ATP13A4: variants seen among roughly 807,000 people sequenced by gnomAD.
The protein encoded by ATP13A4 is ATPase 13A4.
In ATP13A4, 114 loss-of-function variants were observed where a neutral mutation model predicts 142.5. That is an observed-to-expected ratio of 0.80 (90% CI 0.69 to 0.93). ATP13A4 has a LOEUF of 0.93. Ranked by LOEUF, ATP13A4 falls within the 40% of genes least tolerant of loss-of-function variation. The probability of loss-of-function intolerance (pLI) is 0.00; values close to 1 mark genes in which losing one functional copy is unlikely to be tolerated. For missense variants in ATP13A4, 1,392 were observed against 1,454.0 expected (o/e 0.96, Z 0.69); for synonymous variants, 488 against 514.8 (o/e 0.95, Z 0.70).
At chr3:193,425,714 A>T (rs915906974) in intron 25 of ATP13A4, among the ~76,000 whole-genome samples, 1 of 151,750 alleles carries the variant, frequency 6.6e-6, no homozygotes, top group Non-Finnish European at 1.5e-5. Flanking sequence ...GAAAGAATAG[A>T]GATAGAGAGG....
chr3:193,536,151 C>T (rs1722581317), intron 1 of ATP13A4, among the ~76,000 whole-genome samples: 1 of 151,872 alleles, frequency 6.6e-6, no homozygotes, highest in Non-Finnish European at 1.5e-5. Context: ...GCTAGCATTA[C>T]CCTGATAATA....
At chr3:193,523,878 G>C (rs1479741129) in intron 1 of ATP13A4, among the ~76,000 whole-genome samples, 1 of 152,102 alleles carries the variant, frequency 6.6e-6, no homozygotes, top group Non-Finnish European at 1.5e-5. Flanking sequence ...CCCTCTCAGA[G>C]GGGTGAGTTC....
intron 7 of ATP13A4, among the ~76,000 whole-genome samples, chr3:193,484,245 C>G (rs1215796802): frequency 6.6e-6 from 1 of 151,848 alleles, no homozygotes; most frequent in East Asian, 1.9e-4. Flanking sequence ...CCAGCATGCT[C>G]TTTCCACTCA....
intron 2 of ATP13A4, among the ~76,000 whole-genome samples, chr3:193,568,948 T>G (rs891245607): frequency 1.3e-5 from 2 of 152,222 alleles, no homozygotes; most frequent in Non-Finnish European, 2.9e-5. Context: ...CGAGAAGAGA[T>G]AAATCTCTCA....
At position 193,488,530 on chromosome 3, in the gene ATP13A4, A is replaced by G. The variant is rs568395065; in HGVS notation, c.738+1200T>C. On this transcript the variant is annotated intron_variant, in intron 7 of 29. Coordinates refer to ENST00000342695, the MANE Select transcript of ATP13A4 (RefSeq NM_032279.4). Reference sequence around the variant, plus strand: ...ATTGCCCTTTCTGTTAAGGAAAAAAACAGCTAATTTTAAAAGAACTTTTTA... The same window carrying G: ...ATTGCCCTTTCTGTTAAGGAAAAAAGCAGCTAATTTTAAAAGAACTTTTTA... Among the ~76,000 whole-genome samples, 338 of 152,276 alleles carry G rather than the reference A, an allele frequency of 2.2e-3. 2 individuals carry two copies. The highest frequency in any genetic ancestry group is 5.0e-3 in the South Asian group (24 of 4,832).
At chr3:193,435,513 A>T in intron 24 of ATP13A4, 135 bp downstream of exon 24, 1 of 793,198 alleles carries the variant, frequency 1.3e-6, no homozygotes, top group Non-Finnish European at 2.2e-6. Context: ...ACAAATTCTT[A>T]AGGATATTTT....
intron 2 of ATP13A4, among the ~76,000 whole-genome samples, chr3:193,514,201 C>A (rs1227021994): frequency 6.6e-6 from 1 of 152,080 alleles, no homozygotes; most frequent in Non-Finnish European, 1.5e-5. Flanking sequence ...AAGCTTAGTA[C>A]CCATTAATTG....
intron 2 of ATP13A4, among the ~76,000 whole-genome samples, chr3:193,562,393 T>C (rs1035266284): frequency 3.9e-5 from 6 of 152,258 alleles, no homozygotes; most frequent in Admixed American, 2.6e-4. Flanking sequence ...AAATGCACTA[T>C]ATTATTAAAT....
intron 1 of ATP13A4, among the ~76,000 whole-genome samples, chr3:193,520,490 A>G (rs187332506): frequency 6.6e-6 from 1 of 152,286 alleles, no homozygotes; most frequent in African/African-American, 2.4e-5. Context: ...GCCTGTCTCC[A>G]AGAGTTGAAA....
At chr3:193,472,690 G>T (rs1298675767) in intron 8 of ATP13A4, among the ~76,000 whole-genome samples, 1 of 152,132 alleles carries the variant, frequency 6.6e-6, no homozygotes, top group Non-Finnish European at 1.5e-5. Flanking sequence ...TTAAATGTGT[G>T]GGTGGAAGAC....
rs1716468760 is a variant in ATP13A4 at position 193,439,041 on chromosome 3, A to G, written c.2544T>C (p.Asp848=). The G allele has an allele frequency of 1.9e-6, 3 of 1,609,896 alleles. No homozygotes were observed. The highest frequency in any genetic ancestry group is 2.6e-6 in the Non-Finnish European group (3 of 1,176,110). The part of the protein sequence containing the change: ...KLDYFVGMCG[D]GANDCGALKM... ...TACTTACCCCACAGTCATTGGCTCC[A>G]TCACCACACATACCTACAAAGTAAC... Residue 848 remains aspartate, a synonymous_variant, in exon 22 of 30, where the codon GAT becomes GAC. Transcript: ENST00000342695.
chr3:193,516,798 G>A (rs1481997453), intron 1 of ATP13A4, among the ~76,000 whole-genome samples: 5 of 144,436 alleles, frequency 3.5e-5, no homozygotes, highest in East Asian at 3.9e-4. Flanking sequence ...TTTGGGCTAC[G>A]CAGTGAGGGC....
At position 193,464,955 on chromosome 3, in the gene ATP13A4, A is replaced by C; in HGVS notation, c.1446T>G (p.Leu482=). The C allele has an allele frequency of 6.2e-7, 1 of 1,614,076 alleles. No homozygotes were observed. The highest frequency in any genetic ancestry group is 8.5e-7 in the Non-Finnish European group (1 of 1,179,974). ...QRINVCGQLN[L]VCFDKTGTLT... is the part of the protein sequence containing the mutation. ...ACACACATACCTTGTCAAAGCAGAC[A>C]AGGTTTAACTGTCCACATACGTTGA... The change falls in exon 12 of 30, where the codon CTT becomes CTG. Residue 482 remains leucine, a synonymous_variant. Coordinates refer to ENST00000342695, the MANE Select transcript of ATP13A4 (RefSeq NM_032279.4).
chr3:193,581,040 T>G (rs982641308), intron 2 of ATP13A4, among the ~76,000 whole-genome samples: 1 of 152,220 alleles, frequency 6.6e-6, no homozygotes, highest in Admixed American at 6.5e-5. Flanking sequence ...AACAAAGAAG[T>G]TGCTCACATC....
intron 2 of ATP13A4, among the ~76,000 whole-genome samples, chr3:193,572,748 A>G (rs1031326769): frequency 1.3e-5 from 2 of 152,038 alleles, no homozygotes; most frequent in Non-Finnish European, 2.9e-5. Context: ...GTCCCTGAAG[A>G]CGTTAGTACA....
intron 25 of ATP13A4, among the ~76,000 whole-genome samples, chr3:193,421,045 G>A (rs1275464124): frequency 2.0e-5 from 3 of 149,578 alleles, no homozygotes; most frequent in Non-Finnish European, 3.0e-5. Context: ...CAAGAAATAC[G>A]AAAATCCAGA....
chr3:193,502,387 C>T, intron 3 of ATP13A4, 106 bp downstream of exon 3: 1 of 1,328,892 alleles, frequency 7.5e-7, no homozygotes, highest in Non-Finnish European at 1.1e-6. Context: ...TAAATATACA[C>T]TATCAAATGA....
chr3:193,502,689 G>A lies in ATP13A4; in HGVS notation c.235-50C>T, dbSNP rs778848887. On this transcript the variant is annotated intron_variant, in intron 2 of 29. Coordinates refer to ENST00000342695, the MANE Select transcript of ATP13A4 (RefSeq NM_032279.4). ...CCAAGAAGTTAAGAGAGGTCAGCAG[G>A]CTACAATTCAACCTGAGAAACATCA... 3 of 1,546,780 alleles carry A rather than the reference G, an allele frequency of 1.9e-6. No individual in the cohort carries two copies. In the Admixed American group the frequency reaches 5.0e-5, roughly 26 times the overall value.
At chr3:193,458,834 A>G in intron 14 of ATP13A4, 1 of 613,720 alleles carries the variant, frequency 1.6e-6, no homozygotes, top group Non-Finnish European at 2.9e-6. Context: ...AATATTTGCC[A>G]GGCATAGTGC....
Sources: allele counts gnomAD v4.1 joint callset (sites outside exome capture counted in the v4.1 genomes callset), GRCh38; gene constraint gnomAD v4.1.1; transcripts MANE v1.5; gene names NCBI Gene and HGNC (gene_info 2026-07-23, HGNC 2026-07-21).